Variants in ZC2HC1B observed in about 807,000 individuals in gnomAD.
The protein encoded by ZC2HC1B is zinc finger C2HC domain-containing protein 1B.
Under a neutral mutation model 31.0 loss-of-function variants are expected in ZC2HC1B, and 36 were observed. The ratio of observed to expected loss-of-function variants is 1.16; its 90% CI spans 0.89 to 1.54. The LOEUF (loss-of-function observed/expected upper bound fraction) is 1.54. Among genes scored for constraint, ZC2HC1B ranks in the 40% most tolerant of loss-of-function variants. The pLI is 0.00. For missense variants in ZC2HC1B, 260 were observed against 268.6 expected, an observed-to-expected ratio of 0.97 and a Z score of 0.22; for synonymous variants, 73 against 88.0, an observed-to-expected ratio of 0.83 and a Z score of 0.95.
Position 143,918,439 on chromosome 6 carries a change from G to A in ZC2HC1B, c.598+15287G>A, listed in dbSNP as rs975627834. Among the ~76,000 whole-genome samples, 1 of 152,078 alleles carries A rather than the reference G, an allele frequency of 6.6e-6. No homozygotes were observed. Among genetic ancestry groups the A allele is most frequent in the Admixed American group, 6.5e-5 (1 of 15,276 alleles). Reference sequence around the variant, plus strand: ...TGATGAGAAGTCTGCTGATCTTATTGAACATTCCTGGTTTGTGACAGGTCA... The same window carrying A: ...TGATGAGAAGTCTGCTGATCTTATTAAACATTCCTGGTTTGTGACAGGTCA... On this transcript the variant is annotated intron_variant, in intron 6 of 7. Coordinates refer to ENST00000237275, the MANE Select transcript of ZC2HC1B (RefSeq NM_001013623.3). The surrounding 1 kb of genome is among the most constrained non-coding windows in gnomAD (Gnocchi z 4.1).
intron 5 of ZC2HC1B, among the ~76,000 whole-genome samples, chr6:143,900,108 T>C (rs1777718544): frequency 6.6e-6 from 1 of 151,244 alleles, no homozygotes; most frequent in Admixed American, 6.6e-5. Flanking sequence ...AGGTACAGGG[T>C]GCTGGGTGTG....
intron 6 of ZC2HC1B, among the ~76,000 whole-genome samples, chr6:143,906,173 T>G (rs1777792657): frequency 6.6e-6 from 1 of 152,212 alleles, no homozygotes; most frequent in African/African-American, 2.4e-5. Context: ...AGCATTTTAA[T>G]GTCATGAGAT....
chr6:143,875,354 T>C (rs974533408), intron 1 of ZC2HC1B, among the ~76,000 whole-genome samples: 2 of 151,430 alleles, frequency 1.3e-5, no homozygotes, highest in East Asian at 1.9e-4. Flanking sequence ...ATTATGCCTT[T>C]GGATCCCTTC....
chr6:143,882,338 A>AT (rs1053567161), intron 1 of ZC2HC1B, among the ~76,000 whole-genome samples: 1 of 125,362 alleles, frequency 8.0e-6, no homozygotes, highest in African/African-American at 3.4e-5. Context: ...TATTTTTTAT[A>AT]TATATATATA....
At chr6:143,928,455 T>C (rs574057835) in intron 6 of ZC2HC1B, among the ~76,000 whole-genome samples, 1 of 152,328 alleles carries the variant, frequency 6.6e-6, no homozygotes, top group East Asian at 1.9e-4. Context: ...TCTTCTATTC[T>C]GTTCTGTTGA....
chr6:143,900,499 G>C (rs1777724516), intron 5 of ZC2HC1B, among the ~76,000 whole-genome samples: 1 of 152,056 alleles, frequency 6.6e-6, no homozygotes, highest in African/African-American at 2.4e-5. Flanking sequence ...AGTTGAGAGA[G>C]GAAGAAAAGA....
rs1778196742 is a variant in ZC2HC1B at position 143,937,863 on chromosome 6, C to G, written c.*14+130C>G. 6 of 605,508 alleles carry G rather than the reference C, an allele frequency of 9.9e-6. No individual in the cohort carries two copies. In the Admixed American group the frequency reaches 1.9e-4, roughly 19 times the overall value. 37.5% of individuals were successfully genotyped at this position (605,508 alleles called of 1,614,324 possible). A position where few individuals can be genotyped will look rare whatever the true frequency, so the allele number is the denominator to read the frequency against. On this transcript the variant is annotated intron_variant, in intron 7 of 7. Transcript: ENST00000237275. ...CCAAGTTGGGTTAACAAAATGTATG[C>G]TCTTGAAACTGACTCTGCTGTTAAA...
At chr6:143,931,462 G>A (rs547337715) in intron 6 of ZC2HC1B, among the ~76,000 whole-genome samples, 1 of 152,074 alleles carries the variant, frequency 6.6e-6, no homozygotes, top group Non-Finnish European at 1.5e-5. Flanking sequence ...TTCTATTTTG[G>A]TGTATTTGGA....
chr6:143,915,939 A>G lies in ZC2HC1B; in HGVS notation c.598+12787A>G, dbSNP rs1483243113. On this transcript the variant is annotated intron_variant, in intron 6 of 7. Coordinates refer to ENST00000237275, the MANE Select transcript of ZC2HC1B (RefSeq NM_001013623.3). This position sits in a 1 kb window ranked among gnomAD's most constrained non-coding sequence, Gnocchi z 5.2. ...AGAAAATCCCATTTTCTGGGGAGAA[A>G]TTCAAACTGGCTGCAGAAATTTGTA... Among the ~76,000 whole-genome samples the G allele has an allele frequency of 6.6e-6, 1 of 152,202 alleles. No homozygotes were observed. The highest frequency in any genetic ancestry group is 1.5e-5 in the Non-Finnish European group (1 of 68,038).
rs538241390 is a variant in ZC2HC1B at position 143,921,381 on chromosome 6, G to A, written c.599-16268G>A. Among the ~76,000 whole-genome samples the A allele has an allele frequency of 3.3e-5, 5 of 152,264 alleles. No homozygotes were observed. The East Asian group carries it at 9.7e-4, about 29-fold the overall frequency. The stretch of plus-strand genomic sequence containing the variant: ...TTTCAAGAAAGGGGAATTCTCTACT[G>A]TATCTTTCTCTATTGTACTGGAATA... On this transcript the variant is annotated intron_variant, in intron 6 of 7. Coordinates refer to ENST00000237275, the MANE Select transcript of ZC2HC1B (RefSeq NM_001013623.3). This position sits in a 1 kb window ranked among gnomAD's most constrained non-coding sequence, Gnocchi z 6.1.
intron 4 of ZC2HC1B, among the ~76,000 whole-genome samples, chr6:143,897,969 C>T (rs575635266): frequency 6.6e-6 from 1 of 152,304 alleles, no homozygotes; most frequent in East Asian, 1.9e-4. Flanking sequence ...TTGAGAAGTT[C>T]TTAAGATTAA....
At chr6:143,930,206 T>A (rs1778101935) in intron 6 of ZC2HC1B, among the ~76,000 whole-genome samples, 1 of 152,052 alleles carries the variant, frequency 6.6e-6, no homozygotes, top group Non-Finnish European at 1.5e-5. Flanking sequence ...TTTCTTTTTT[T>A]AATGTAGGTG....
chr6:143,880,977 G>A (rs1169581174), intron 1 of ZC2HC1B, among the ~76,000 whole-genome samples: 1 of 152,082 alleles, frequency 6.6e-6, no homozygotes, highest in Non-Finnish European at 1.5e-5. Context: ...TTCAGAGTCT[G>A]TACCATTTGA....
rs117442494 is a variant in ZC2HC1B at position 143,889,828 on chromosome 6, A to G, written c.349+3007A>G. Reference sequence around the variant, plus strand: ...CCAATTTGACCTAATTGACATTTATACTTATCCTATGACACATAGCCACAG... The same window carrying G: ...CCAATTTGACCTAATTGACATTTATGCTTATCCTATGACACATAGCCACAG... On this transcript the variant is annotated intron_variant, in intron 4 of 7. Transcript: ENST00000237275. Among the ~76,000 whole-genome samples, 1,291 of 152,280 alleles carry G rather than the reference A, an allele frequency of 8.5e-3. 13 individuals carry two copies. Among genetic ancestry groups the G allele is most frequent in the Middle Eastern group, 0.017 (5 of 294 alleles).
At position 143,921,353 on chromosome 6, in the gene ZC2HC1B, A is replaced by G. The variant is rs187947012; in HGVS notation, c.599-16296A>G. ...CATGTACCAAAAAGAAATGGAATAT[A>G]AGTTTCAAGAAAGGGGAATTCTCTA... On this transcript the variant is annotated intron_variant, in intron 6 of 7. Transcript: ENST00000237275. The surrounding 1 kb of genome is among the most constrained non-coding windows in gnomAD (Gnocchi z 6.1). 6.6e-6 allele frequency among the ~76,000 whole-genome samples: 1 copy of G among 152,346 alleles called. No individual in the cohort carries two copies. The highest frequency in any genetic ancestry group is 6.5e-5 in the Admixed American group (1 of 15,304).
Position 143,865,520 on chromosome 6 carries a change from T to C in ZC2HC1B, c.28+953T>C, listed in dbSNP as rs182306068. ...CCCTGCATCCTTGACCCTCCTTCCC[T>C]GGTTTATGTTCTCCACAACATCTGT... On this transcript the variant is annotated intron_variant, in intron 1 of 7. Transcript: ENST00000237275. This position sits in a 1 kb window ranked among gnomAD's most constrained non-coding sequence, Gnocchi z 4.4. Among the ~76,000 whole-genome samples, 21 of 152,354 alleles carry C rather than the reference T, an allele frequency of 1.4e-4. No homozygotes were observed. The East Asian group carries it at 1.7e-3, about 13-fold the overall frequency.
At chr6:143,931,903 G>A (rs573175263) in intron 6 of ZC2HC1B, among the ~76,000 whole-genome samples, 12 of 128,350 alleles carry the variant, frequency 9.3e-5, no homozygotes, top group African/African-American at 3.6e-4. Flanking sequence ...CACTTTTGTT[G>A]CCCAAAGCTG....
intron 4 of ZC2HC1B, among the ~76,000 whole-genome samples, chr6:143,891,864 T>C (rs894451499): frequency 6.7e-6 from 1 of 150,240 alleles, no homozygotes; most frequent in Non-Finnish European, 1.5e-5. Flanking sequence ...ACAGTGATCA[T>C]GACAACTTGG....
At chr6:143,909,151 G>A (rs1163980541) in intron 6 of ZC2HC1B, among the ~76,000 whole-genome samples, 1 of 152,148 alleles carries the variant, frequency 6.6e-6, no homozygotes, top group Non-Finnish European at 1.5e-5. Context: ...TTTTTGATGT[G>A]CTGCTGGATT....
Sources: gnomAD v4.1 joint callset for allele counts (sites outside exome capture counted in the v4.1 genomes callset) on GRCh38, gnomAD v4.1.1 for gene constraint, Gnocchi (gnomAD v3.1) non-coding constraint, MANE v1.5 for transcripts, NCBI Gene and HGNC (gene_info 2026-07-23, HGNC 2026-07-21) for gene names.